Variants in MKRN1 observed in about 807,000 individuals in gnomAD.
The protein encoded by MKRN1 is E3 ubiquitin-protein ligase makorin-1.
MKRN1 carries 9 observed loss-of-function variants against 55.5 expected under a neutral mutation model. That is an observed-to-expected ratio of 0.16 (90% confidence interval 0.10 to 0.28). MKRN1 has a LOEUF of 0.28. Ranked by LOEUF, MKRN1 falls within the 10% of genes least tolerant of loss-of-function variation. The pLI, the probability that MKRN1 is intolerant of heterozygous loss-of-function variation, is 1.00. For missense variants in MKRN1, 488 were observed against 626.7 expected, an observed-to-expected ratio of 0.78 and a Z score of 2.36; for synonymous variants, 253 against 235.9, an observed-to-expected ratio of 1.07 and a Z score of -0.66.
chr7:140,474,490 C>A, intron 1 of MKRN1: 2 of 278,532 alleles, frequency 7.2e-6, no homozygotes, highest in Non-Finnish European at 7.0e-6. Flanking sequence ...GAGACTCCGT[C>A]TCAAAAAAAA....
chr7:140,457,217 C>T (rs375369335), intron 4 of MKRN1, among the ~76,000 whole-genome samples: 5 of 152,136 alleles, frequency 3.3e-5, no homozygotes, highest in African/African-American at 1.2e-4. Context: ...GAGGTTAAGA[C>T]CCTAGTTAAA....
rs776174505 is a variant in MKRN1, at chr7:140,469,639, G to A, written c.314+2244C>T. 4.6e-5 allele frequency among the ~76,000 whole-genome samples: 7 copies of A among 152,148 alleles called. 1 individual carries two copies. The South Asian group carries it at 1.5e-3, about 32-fold the overall frequency. ...ATGAAAAGGCCCATGTGGGCCAGGC[G>A]GGGTGGCTCACGCCTGTAATCCCAG... On this transcript the variant is annotated intron_variant, in intron 2 of 7. Transcript: ENST00000255977.
intron 1 of MKRN1, among the ~76,000 whole-genome samples, chr7:140,477,231 G>C (rs528755093): frequency 1.3e-5 from 2 of 152,036 alleles, no homozygotes; most frequent in South Asian, 2.1e-4. Context: ...ACCTATCAAG[G>C]AATCTGCACA....
At chr7:140,461,674 T>C (rs1292949950) in intron 2 of MKRN1, among the ~76,000 whole-genome samples, 1 of 151,702 alleles carries the variant, frequency 6.6e-6, no homozygotes, top group Admixed American at 6.6e-5. Flanking sequence ...GCAAGCATCT[T>C]TCTGCCTGAG....
chr7:140,463,833 G>A (rs1437439569), intron 2 of MKRN1, among the ~76,000 whole-genome samples: 1 of 151,986 alleles, frequency 6.6e-6, no homozygotes, highest in Non-Finnish European at 1.5e-5. Context: ...TCCAGTGAGA[G>A]AGCTGAGATC....
intron 1 of MKRN1, among the ~76,000 whole-genome samples, chr7:140,476,471 C>CAAAAAAAAAA (rs59392050): frequency 5.5e-5 from 4 of 72,566 alleles, no homozygotes; most frequent in African/African-American, 1.8e-4. Flanking sequence ...CACTCCATCT[C>CAAAAAAAAAA]AAAAAAAAAA....
At position 140,455,209 on chromosome 7, in the gene MKRN1, A is replaced by T; in HGVS notation, c.1122T>A (p.Asp374Glu). 1 of 1,614,108 alleles carries T rather than the reference A, an allele frequency of 6.2e-7. No individual in the cohort carries two copies. The highest frequency in any genetic ancestry group is 1.6e-4 in the Middle Eastern group (1 of 6,062). The change falls in exon 7 of 8, where the codon GAT becomes GAA. Residue 374 changes from aspartate to glutamate, a missense_variant. Coordinates refer to ENST00000255977, the MANE Select transcript of MKRN1 (RefSeq NM_013446.4). ...AMSNKACRYF[D>E]EGRGSCPFGG... ...CAAATGGGCAGCTCCCACGTCCTTC[A>T]TCAAAATACCTGCACGCCTTGTTGC...
chr7:140,466,810 CAAAAAAAAA>C (rs563645827), intron 2 of MKRN1, among the ~76,000 whole-genome samples: 10 of 87,198 alleles, frequency 1.1e-4, no homozygotes, highest in African/African-American at 4.6e-4. Context: ...GACTCCGTCT[CAAAAAAAAA>C]AAAAAAAAAA....
At chr7:140,474,435 G>A (rs1250580350) in intron 1 of MKRN1, 3 of 365,600 alleles carry the variant, frequency 8.2e-6, no homozygotes. Flanking sequence ...CTCGCAGTGG[G>A]TTGGGGGGGG....
Position 140,479,146 on chromosome 7 carries a change from G to T in MKRN1, c.185+14C>A. 1 of 1,329,682 alleles carries T rather than the reference G, an allele frequency of 7.5e-7. No individual in the cohort carries two copies. 82.4% of individuals were successfully genotyped at this position (1,329,682 alleles called of 1,614,324 possible). On this transcript the variant is annotated intron_variant, in intron 1 of 7. Transcript: ENST00000255977. Reference sequence around the variant, plus strand: ...CCCTCCCCGCGCCCGGCGCTCCGCCGCGCAACGTCCTACCTGCAGGTGACC... The same window carrying T: ...CCCTCCCCGCGCCCGGCGCTCCGCCTCGCAACGTCCTACCTGCAGGTGACC...
At chr7:140,475,017 C>G (rs763323081) in intron 1 of MKRN1, among the ~76,000 whole-genome samples, 57 of 152,102 alleles carry the variant, frequency 3.7e-4, no homozygotes, top group Non-Finnish European at 6.9e-4. Flanking sequence ...CCACGCCCAG[C>G]TGATCTTTAA....
chr7:140,474,503 T>C, intron 1 of MKRN1: 1 of 297,948 alleles, frequency 3.4e-6, no homozygotes. Flanking sequence ...AAAAAAAAAA[T>C]AAATAAATAA....
intron 3 of MKRN1, 63 bp from the exon 4 acceptor site, chr7:140,459,296 G>A: frequency 6.5e-7 from 1 of 1,527,056 alleles, no homozygotes; most frequent in Non-Finnish European, 9.0e-7. Context: ...TAAGAGAACT[G>A]AGAATCTAAC....
intron 4 of MKRN1, among the ~76,000 whole-genome samples, chr7:140,457,843 TATATAG>T (rs1794510861): frequency 6.6e-6 from 1 of 152,200 alleles, no homozygotes; most frequent in Non-Finnish European, 1.5e-5. Context: ...ACTACCTCAA[TATATAG>T]ATATAACGTA....
Position 140,459,203 on chromosome 7 carries a change from T to A in MKRN1, c.575A>T (p.Gln192Leu). ...TGATTCTTCCTTGGTCACTGAGCCC[T>A]GCAGGGGTGCTTCAGTGCAGGAAGG... ...TAPSCTEAPL[Q>L]GSVTKEESEK... Residue 192 changes from glutamine to leucine, a missense_variant, in exon 4 of 8, where the codon CAG (glutamine) becomes CTG (leucine). Physicochemically the swap from Gln to Leu is moderately radical, Grantham distance 113. This residue lies in a region of MKRN1 where 278 missense variants were observed against 406.7 expected (regional missense o/e 0.68). Coordinates refer to ENST00000255977, the MANE Select transcript of MKRN1 (RefSeq NM_013446.4). 1 of 1,613,914 alleles carries A rather than the reference T, an allele frequency of 6.2e-7. No homozygotes were observed. Among genetic ancestry groups the A allele is most frequent in the Non-Finnish European group, 8.5e-7 (1 of 1,179,846 alleles).
chr7:140,456,425 C>CG, intron 5 of MKRN1: 1 of 1,373,872 alleles, frequency 7.3e-7, no homozygotes, highest in Non-Finnish European at 9.4e-7. Flanking sequence ...AGAAAAAGCA[C>CG]GAAGATTCTA....
chr7:140,470,160 G>A (rs1794883972), intron 2 of MKRN1, among the ~76,000 whole-genome samples: 1 of 151,506 alleles, frequency 6.6e-6, no homozygotes, highest in South Asian at 2.1e-4. Context: ...GGCAGAGGTT[G>A]CAGTGAGCTG....
rs1794408261 is a variant in MKRN1 at position 140,454,383 on chromosome 7, C to G, written c.*134G>C. The G allele has an allele frequency of 1.3e-6, 1 of 779,148 alleles. No individual in the cohort carries two copies. The highest frequency in any genetic ancestry group is 1.7e-5 in the African/African-American group (1 of 57,568). 48.3% of individuals were successfully genotyped at this position (779,148 alleles called of 1,614,324 possible). On this transcript the variant is annotated 3_prime_UTR_variant, in exon 8 of 8. Coordinates refer to ENST00000255977, the MANE Select transcript of MKRN1 (RefSeq NM_013446.4). ...AGGTGAGGGGTTGAGAAGACAGGCC[C>G]TGGGTAAAAATTCTTAGGACAGCAC...
chr7:140,472,325 C>G, intron 1 of MKRN1: 1 of 286,084 alleles, frequency 3.5e-6, no homozygotes, highest in Non-Finnish European at 6.8e-6. Context: ...CCCAGCTACT[C>G]AGGAGGCTGA....
Sources: gnomAD v4.1 joint callset for allele counts (sites outside exome capture counted in the v4.1 genomes callset) on GRCh38, gnomAD v4.1.1 for gene constraint, gnomAD v4.1.1 regional missense constraint, MANE v1.5 for transcripts, NCBI Gene and HGNC (gene_info 2026-07-23, HGNC 2026-07-21) for gene names.